Variants in PI4K2A observed in about 807,000 individuals in gnomAD.
The protein encoded by PI4K2A is phosphatidylinositol 4-kinase type 2-alpha.
In PI4K2A, 20 loss-of-function variants were observed where a neutral mutation model predicts 55.0. That is an observed-to-expected ratio of 0.36 (90% confidence interval 0.26 to 0.53). The LOEUF is 0.53. Ranked by LOEUF, PI4K2A falls within the 20% of genes least tolerant of loss-of-function variation. The probability of loss-of-function intolerance (pLI) is 0.91; values close to 1 mark genes in which losing one functional copy is unlikely to be tolerated. For missense variants in PI4K2A, 463 were observed against 637.1 expected (o/e 0.73, Z 2.94); for synonymous variants, 235 against 258.5 (o/e 0.91, Z 0.87).
At chr10:97,674,658 T>G (rs1213021509) in exon 9 of PI4K2A, 4 of 152,186 alleles carry the variant, frequency 2.6e-5, no homozygotes, top group African/African-American at 9.7e-5. Context: ...CGTTTTAAAT[T>G]TTTTCCCCCC....
chr10:97,671,149 AAGAG>A (rs1554879769), intron 8 of PI4K2A, among the ~76,000 whole-genome samples: 14 of 151,678 alleles, frequency 9.2e-5, no homozygotes, highest in Non-Finnish European at 1.3e-4. Context: ...GAAAAAAAAA[AAGAG>A]AGAGAGAGAG....
intron 8 of PI4K2A, 120 bp downstream of exon 8, chr10:97,667,240 C>CAAA: frequency 1.5e-6 from 1 of 683,444 alleles, no homozygotes; most frequent in Non-Finnish European, 2.6e-6. Flanking sequence ...GACCGAGTCT[C>CAAA]ACTCTGTCAC....
intron 7 of PI4K2A, 139 bp from the exon 8 acceptor site, chr10:97,666,922 T>C (rs2041612370): frequency 7.3e-6 from 5 of 680,462 alleles, no homozygotes; most frequent in Admixed American, 4.7e-5. Context: ...CAGGGAGTTC[T>C]TGTGGGAGTA....
intron 8 of PI4K2A, 98 bp downstream of exon 8, chr10:97,667,218 CT>C (rs1258198484): frequency 5.3e-4 from 384 of 728,778 alleles, no homozygotes; most frequent in Middle Eastern, 1.4e-3. Context: ...ATACCCCCCC[CT>C]TTTTTTTTGA....
intron 8 of PI4K2A, among the ~76,000 whole-genome samples, chr10:97,673,130 G>A (rs971254962): frequency 3.9e-5 from 6 of 152,078 alleles, no homozygotes; most frequent in Non-Finnish European, 8.8e-5. Flanking sequence ...GGGACTACAG[G>A]CGTGTGCCAC....
chr10:97,653,560 C>T (rs2041539141), intron 2 of PI4K2A, among the ~76,000 whole-genome samples: 1 of 152,174 alleles, frequency 6.6e-6, no homozygotes, highest in South Asian at 2.1e-4. Context: ...CTTCCTCTTT[C>T]CCTGTTAGAG....
intron 7 of PI4K2A, 114 bp from the exon 8 acceptor site, chr10:97,666,947 G>A (rs1044633283): frequency 1.3e-6 from 1 of 755,404 alleles, no homozygotes; most frequent in Non-Finnish European, 2.3e-6. Context: ...ACTTCACAAA[G>A]CTGCAGAAGC....
At chr10:97,662,572 C>T (rs984400101) in intron 4 of PI4K2A, among the ~76,000 whole-genome samples, 1 of 152,170 alleles carries the variant, frequency 6.6e-6, no homozygotes, top group Non-Finnish European at 1.5e-5. Flanking sequence ...GTTTTTGTCT[C>T]TCTAGCTCCA....
intron 1 of PI4K2A, among the ~76,000 whole-genome samples, chr10:97,642,024 C>G (rs971725521): frequency 6.6e-6 from 1 of 152,104 alleles, no homozygotes; most frequent in African/African-American, 2.4e-5. Context: ...TAAGAAATAC[C>G]AAGTCTTCCC....
chr10:97,670,728 G>A (rs1185462059), intron 8 of PI4K2A, among the ~76,000 whole-genome samples: 1 of 152,198 alleles, frequency 6.6e-6, no homozygotes, highest in Non-Finnish European at 1.5e-5. Flanking sequence ...GGCAGCAGTT[G>A]TGTAAGAGGA....
At position 97,663,300 on chromosome 10, in the gene PI4K2A, C is replaced by A. The variant is rs186435330; in HGVS notation, c.984+332C>A. ...CAAACCTATTTAAATTTGATTTCTA[C>A]CCCTTTTAAACCATGAACCACTTTT... On this transcript the variant is annotated intron_variant, in intron 5 of 8. Transcript: ENST00000370631. Among the ~76,000 whole-genome samples the A allele has an allele frequency of 5.7e-3, 864 of 152,190 alleles. 3 individuals carry two copies. The highest frequency in any genetic ancestry group is 9.6e-3 in the Non-Finnish European group (650 of 68,016).
chr10:97,648,488 T>C lies in PI4K2A; in HGVS notation c.436-2453T>C, dbSNP rs145818983. Among the ~76,000 whole-genome samples the C allele has an allele frequency of 1.6e-4, 25 of 152,224 alleles. No homozygotes were observed. In the East Asian group the frequency reaches 4.4e-3, roughly 27 times the overall value. ...TCATCCTCTGAAAGTGCTGGGCTTA[T>C]AGGCATGAGCCACCATGCCCAACTT... On this transcript the variant is annotated intron_variant, in intron 1 of 8. Transcript: ENST00000370631.
chr10:97,663,996 G>A (rs561295439), intron 5 of PI4K2A, among the ~76,000 whole-genome samples: 98 of 152,176 alleles, frequency 6.4e-4, no homozygotes, highest in Non-Finnish European at 1.0e-3. Flanking sequence ...TTAATGTTTT[G>A]TAGAGATGAG....
rs1564772434 is a variant in PI4K2A, at chr10:97,642,928, T to TTCCTTC, written c.435+1751_435+1752insTCCTTC. ...TCCTTCCTTCCTTCCTTCCTTCCTT[T>TTCCTTC]CTTTCCTTTCTTTCTTTCTCTTTCT... On this transcript the variant is annotated intron_variant, in intron 1 of 8. Coordinates refer to ENST00000370631, the Ensembl canonical transcript of PI4K2A. Among the ~76,000 whole-genome samples the TTCCTTC allele has an allele frequency of 1.2e-3, 147 of 117,988 alleles. 5 individuals are homozygous for TTCCTTC. The highest frequency in any genetic ancestry group is 5.9e-3 in the African/African-American group (139 of 23,566). 77.4% of individuals were successfully genotyped at this position (117,988 alleles called of 152,430 possible).
At chr10:97,666,616 A>G (rs777908710) in intron 7 of PI4K2A, 45 bp downstream of exon 7, 11 of 1,534,138 alleles carry the variant, frequency 7.2e-6, no homozygotes, top group Non-Finnish European at 1.8e-6. Context: ...GGGAGAAGGA[A>G]TTTTTAATGG....
intron 5 of PI4K2A, 115 bp downstream of exon 5, chr10:97,663,083 T>G (rs1237181044): frequency 1.4e-6 from 1 of 724,954 alleles, no homozygotes; most frequent in Non-Finnish European, 2.5e-6. Context: ...GGGGCGCATA[T>G]GTTTAAAATT....
At chr10:97,672,155 G>A (rs1444897035) in intron 8 of PI4K2A, among the ~76,000 whole-genome samples, 1 of 150,822 alleles carries the variant, frequency 6.6e-6, no homozygotes, top group East Asian at 2.0e-4. Context: ...CGATTCTCCT[G>A]CCTCAGCCTC....
intron 2 of PI4K2A, among the ~76,000 whole-genome samples, chr10:97,652,098 AATTT>A (rs1247401285): frequency 1.3e-5 from 2 of 152,090 alleles, no homozygotes. Flanking sequence ...ACTAAAACTA[AATTT>A]ATTTAGTTAT....
At chr10:97,654,043 C>T (rs1008874977) in intron 2 of PI4K2A, among the ~76,000 whole-genome samples, 19 of 152,238 alleles carry the variant, frequency 1.2e-4, no homozygotes, top group Non-Finnish European at 2.5e-4. Context: ...TGACAGGACT[C>T]TATCCAGTTG....
Sources: gnomAD v4.1 joint callset for allele counts (sites outside exome capture counted in the v4.1 genomes callset) on GRCh38, gnomAD v4.1.1 for gene constraint, MANE v1.5 for transcripts, NCBI Gene and HGNC (gene_info 2026-07-23, HGNC 2026-07-21) for gene names.